The following PCDHGA9 variants were observed in gnomAD, a reference collection of about 807,000 sequenced individuals.
The protein encoded by PCDHGA9 is protocadherin gamma-A9.
A neutral mutation model predicts 62.5 loss-of-function variants in PCDHGA9; 37 were observed. The observed-to-expected ratio is 0.59, with a 90% CI of 0.46 to 0.78. The LOEUF (loss-of-function observed/expected upper bound fraction) is 0.78, where lower values mean the gene tolerates loss of function less well. Among genes scored for constraint, PCDHGA9 ranks in the 30% least tolerant of loss-of-function variants. The pLI is 0.00. For synonymous variants in PCDHGA9, 459 were observed against 484.6 expected, an observed-to-expected ratio of 0.95 and a Z score of 0.69; for missense variants, 1,138 against 1,166.2, an observed-to-expected ratio of 0.98 and a Z score of 0.35.
intron 1 of PCDHGA9, chr5:141,416,047 A>T (rs2095986655): frequency 1.6e-5 from 3 of 187,858 alleles, no homozygotes; most frequent in Non-Finnish European, 3.2e-5. Context: ...TGGAAACACA[A>T]CCCAAATCCA....
At chr5:141,478,586 T>C (rs754157570) in intron 1 of PCDHGA9, 6 of 1,576,788 alleles carry the variant, frequency 3.8e-6, no homozygotes, top group Non-Finnish European at 3.4e-6. Context: ...GTTAGTGCTT[T>C]TTTATTCCTA....
chr5:141,495,735 T>C (rs1595351919), intron 2 of PCDHGA9, among the ~76,000 whole-genome samples: 1 of 152,044 alleles, frequency 6.6e-6, no homozygotes, highest in Admixed American at 6.5e-5. Context: ...CCTTAGTCTC[T>C]TTCTCCTTCT....
intron 1 of PCDHGA9, among the ~76,000 whole-genome samples, chr5:141,442,945 C>G (rs1000311671): frequency 1.8e-4 from 28 of 152,150 alleles, no homozygotes; most frequent in African/African-American, 6.3e-4. Context: ...GAAACTTCCT[C>G]TCACTGCAAA....
chr5:141,485,338 T>C lies in PCDHGA9; in HGVS notation c.2425-9469T>C, dbSNP rs1259658641. The stretch of plus-strand genomic sequence containing the variant: ...ATGTCGCTCAAGATTTCCTGCTGGA[T>C]ACGGACAGTCTGTCAGCTCGCAGGC... On this transcript the variant is annotated intron_variant, in intron 1 of 3. Coordinates refer to ENST00000573521, the MANE Select transcript of PCDHGA9 (RefSeq NM_018921.3). The surrounding 1 kb of genome is among the most constrained non-coding windows in gnomAD (Gnocchi z 5.7). 1 of 1,614,140 alleles carries C rather than the reference T, an allele frequency of 6.2e-7. No individual in the cohort carries two copies. Among genetic ancestry groups the C allele is most frequent in the Non-Finnish European group, 8.5e-7 (1 of 1,180,006 alleles).
chr5:141,485,214 G>T lies in PCDHGA9; in HGVS notation c.2425-9593G>T. 6.2e-7 allele frequency: 1 copy of T among 1,614,164 alleles called. No individual in the cohort carries two copies. The highest frequency in any genetic ancestry group is 8.5e-7 in the Non-Finnish European group (1 of 1,179,996). On this transcript the variant is annotated intron_variant, in intron 1 of 3. Transcript: ENST00000573521. This position sits in a 1 kb window ranked among gnomAD's most constrained non-coding sequence, Gnocchi z 5.7. ...AGAAGCTGGACAGAAATCTGGCGGT[G>T]GGCTACCCTTTTGTTCCTCTTTTAC...
At chr5:141,441,932 C>A in intron 1 of PCDHGA9, 1 of 347,904 alleles carries the variant, frequency 2.9e-6, no homozygotes. Flanking sequence ...GCGTGGCTGT[C>A]CTACCACGTG....
rs200512171 is a variant in PCDHGA9, at chr5:141,418,143, T to C, written c.2424+12767T>C. ...AAGGACCGAATAGACCGTGAGCAAA[T>C]ATGCAAAGAGAGAAGAAGATGTGAG... On this transcript the variant is annotated intron_variant, in intron 1 of 3. Transcript: ENST00000573521. 2.6e-4 allele frequency: 419 copies of C among 1,613,982 alleles called. 1 individual carries two copies. In the African/African-American group the frequency reaches 5.2e-3, roughly 20 times the overall value.
chr5:141,438,074 T>C (rs963146682), intron 1 of PCDHGA9, among the ~76,000 whole-genome samples: 10 of 152,116 alleles, frequency 6.6e-5, no homozygotes, highest in African/African-American at 2.4e-4. Flanking sequence ...CCATACTTAA[T>C]GGAAAATTAC....
rs186288044 is a variant in PCDHGA9, at chr5:141,433,652, A to G, written c.2424+28276A>G. On this transcript the variant is annotated intron_variant, in intron 1 of 3. Transcript: ENST00000573521. ...GGAGTTTGAGACCAGCCTGACCAAC[A>G]TGGAGAAACCCCGTCTATACTAAAA... is the stretch of plus-strand genomic sequence containing the variant. 1.0e-2 allele frequency among the ~76,000 whole-genome samples: 1,520 copies of G among 152,208 alleles called. 33 individuals are homozygous for G. The highest frequency in any genetic ancestry group is 0.034 in the African/African-American group (1,423 of 41,538).
At chr5:141,444,880 G>C (rs527554886) in intron 1 of PCDHGA9, among the ~76,000 whole-genome samples, 5 of 152,268 alleles carry the variant, frequency 3.3e-5, no homozygotes, top group Admixed American at 1.3e-4. Flanking sequence ...AAGCTTGTAG[G>C]ATTTTTGAAT....
intron 1 of PCDHGA9, chr5:141,414,596 C>T: frequency 6.2e-7 from 1 of 1,613,962 alleles, no homozygotes; most frequent in Non-Finnish European, 8.5e-7. Context: ...AGGGGTGCCT[C>T]CATCTTCTCA....
rs2099681350 is a variant in PCDHGA9, at chr5:141,489,024, C to T, written c.2425-5783C>T. 1 of 450,378 alleles carries T rather than the reference C, an allele frequency of 2.2e-6. No individual in the cohort carries two copies. The highest frequency in any genetic ancestry group is 3.9e-6 in the Non-Finnish European group (1 of 256,582). 27.9% of individuals were successfully genotyped at this position (450,378 alleles called of 1,614,324 possible). On this transcript the variant is annotated intron_variant, in intron 1 of 3. Coordinates refer to ENST00000573521, the MANE Select transcript of PCDHGA9 (RefSeq NM_018921.3). The surrounding 1 kb of genome is among the most constrained non-coding windows in gnomAD (Gnocchi z 4.5). ...CTGCTCTTCCAGCCCGCCTCTCCTC[C>T]TCCAGCTCCCCAGCTCCACTCAAAT... is the stretch of plus-strand genomic sequence containing the variant.
At position 141,489,559 on chromosome 5, in the gene PCDHGA9, C is replaced by A; in HGVS notation, c.2425-5248C>A. ...CAGCACCAGCTGCCTGCTGCCAGTG[C>A]AGGTGGTGACTGAACACCCCCTGGA... On this transcript the variant is annotated intron_variant, in intron 1 of 3. Coordinates refer to ENST00000573521, the MANE Select transcript of PCDHGA9 (RefSeq NM_018921.3). This position sits in a 1 kb window ranked among gnomAD's most constrained non-coding sequence, Gnocchi z 4.5. The A allele has an allele frequency of 6.2e-7, 1 of 1,614,078 alleles. No homozygotes were observed. The highest frequency in any genetic ancestry group is 8.5e-7 in the Non-Finnish European group (1 of 1,180,014).
chr5:141,433,221 A>G, intron 1 of PCDHGA9: 1 of 1,475,672 alleles, frequency 6.8e-7, no homozygotes, highest in African/African-American at 1.4e-5. Context: ...TTTTTTTTTT[A>G]ATTGCTCTGT....
intron 1 of PCDHGA9, chr5:141,419,377 C>A (rs2096371335): frequency 6.2e-7 from 1 of 1,613,572 alleles, no homozygotes; most frequent in African/African-American, 1.3e-5. Flanking sequence ...CCTACGTGTC[C>A]GTGAGCGCGC....
intron 1 of PCDHGA9, chr5:141,478,664 C>T (rs2099470287): frequency 1.3e-6 from 2 of 1,551,788 alleles, no homozygotes; most frequent in Non-Finnish European, 1.7e-6. Context: ...GATGCATTCA[C>T]ACTTTCAACT....
In PCDHGA9 at chr5:141,472,994, A is replaced by G. The variant is rs188075835; in HGVS notation, c.2425-21813A>G. Among the ~76,000 whole-genome samples, 1,141 of 151,802 alleles carry G rather than the reference A, an allele frequency of 7.5e-3. 5 individuals carry two copies. The highest frequency in any genetic ancestry group is 0.017 in the Middle Eastern group (5 of 294). ...AGAGTGAAACTCAAAAAAAAAAAAA[A>G]AAAGAAAGAAAAAGAAAAAGAAAGA... On this transcript the variant is annotated intron_variant, in intron 1 of 3. Transcript: ENST00000573521.
Position 141,432,608 on chromosome 5 carries a change from T to G in PCDHGA9, c.2424+27232T>G. ...GCTCAAGGCCAGCGAGCCGGGACTC[T>G]TCTCGGTGGGTCTGCACACGGGCGA... On this transcript the variant is annotated intron_variant, in intron 1 of 3. Transcript: ENST00000573521. This position sits in a 1 kb window ranked among gnomAD's most constrained non-coding sequence, Gnocchi z 6.0. The G allele has an allele frequency of 6.2e-7, 1 of 1,613,864 alleles. No individual in the cohort carries two copies. The highest frequency in any genetic ancestry group is 8.5e-7 in the Non-Finnish European group (1 of 1,179,964).
chr5:141,412,931 T>C (rs1010992022), intron 1 of PCDHGA9: 5 of 453,108 alleles, frequency 1.1e-5, no homozygotes, highest in African/African-American at 2.0e-5. Flanking sequence ...CAGTAACTTC[T>C]TAGGACTCTG....
Sources: allele counts gnomAD v4.1 joint callset (sites outside exome capture counted in the v4.1 genomes callset), GRCh38; gene constraint gnomAD v4.1.1; non-coding constraint Gnocchi (gnomAD v3.1); transcripts MANE v1.5; gene names NCBI Gene and HGNC (gene_info 2026-07-23, HGNC 2026-07-21).